Variants in LTBP4 observed in about 807,000 individuals in gnomAD.
LTBP4 encodes the protein latent-transforming growth factor beta-binding protein 4.
In LTBP4, 93 loss-of-function variants were observed where a neutral mutation model predicts 180.2. The ratio of observed to expected loss-of-function variants is 0.52; its 90% CI spans 0.44 to 0.61. The LOEUF (loss-of-function observed/expected upper bound fraction) is 0.61, where lower values mean the gene tolerates loss of function less well. Ranked by LOEUF, LTBP4 falls within the 20% of genes least tolerant of loss-of-function variation. The pLI, the probability that LTBP4 is intolerant of heterozygous loss-of-function variation, is 0.00. For synonymous variants in LTBP4, 947 were observed against 934.5 expected (o/e 1.01, Z -0.24); for missense variants, 2,116 against 2,256.5 (o/e 0.94, Z 1.26).
rs1302295410 is a variant in LTBP4, at chr19:40,611,090, A to G, written c.1811-62A>G. 1 of 1,600,770 alleles carries G rather than the reference A, an allele frequency of 6.2e-7. No individual in the cohort carries two copies. Among genetic ancestry groups the G allele is most frequent in the Non-Finnish European group, 8.5e-7 (1 of 1,170,230 alleles). On this transcript the variant is annotated intron_variant, in intron 12 of 29. Transcript: ENST00000396819. The surrounding 1 kb of genome is among the most constrained non-coding windows in gnomAD (Gnocchi z 4.4). ...CAGAATGTTGGAGGGTGGAAAGCCA[A>G]AGTGACAGAGGTCAGGGAGGCAGAG...
chr19:40,598,594 G>C (rs899039593), upstream of LTBP4: 1 of 153,228 alleles, frequency 6.5e-6, no homozygotes, highest in Non-Finnish European at 1.5e-5. Flanking sequence ...ACCAAGAAAC[G>C]CTGGCTTCTG....
chr19:40,628,129 C>T (rs2081651174), intron 29 of LTBP4, among the ~76,000 whole-genome samples: 1 of 152,262 alleles, frequency 6.6e-6, no homozygotes, highest in Non-Finnish European at 1.5e-5. Context: ...GTGTGACTTG[C>T]AGTGCTACCT....
At chr19:40,608,773 TG>T (rs2081483226) in intron 9 of LTBP4, 170 bp downstream of exon 9, 1 of 663,614 alleles carries the variant, frequency 1.5e-6, no homozygotes, top group African/African-American at 1.8e-5. Context: ...TAACTGGGCG[TG>T]GTGGCAGATG....
At position 40,622,897 on chromosome 19, in the gene LTBP4, A is replaced by G; in HGVS notation, c.3485-53A>G. The G allele has an allele frequency of 6.3e-7, 1 of 1,574,820 alleles. No homozygotes were observed. Among genetic ancestry groups the G allele is most frequent in the Non-Finnish European group, 8.7e-7 (1 of 1,151,314 alleles). The stretch of plus-strand genomic sequence containing the variant: ...TGTGACAAGTGGGCACGAGCAGGTC[A>G]GGGCTGGGGCTGGGGCTCTGGTGTC... On this transcript the variant is annotated intron_variant, in intron 23 of 29. Coordinates refer to ENST00000396819, the MANE Select transcript of LTBP4 (RefSeq NM_001042545.2). This position sits in a 1 kb window ranked among gnomAD's most constrained non-coding sequence, Gnocchi z 5.1.
In LTBP4 at chr19:40,629,627, G is replaced by C; in HGVS notation, c.*77G>C. On this transcript the variant is annotated 3_prime_UTR_variant, in exon 30 of 30. Coordinates refer to ENST00000396819, the MANE Select transcript of LTBP4 (RefSeq NM_001042545.2). The surrounding 1 kb of genome is among the most constrained non-coding windows in gnomAD (Gnocchi z 4.5). ...CGCGCATCCTGCAGCCCGCTTATGC[G>C]TATGTGCACGGGGCCGCCCGCCTGG... 1 of 1,293,594 alleles carries C rather than the reference G, an allele frequency of 7.7e-7. No homozygotes were observed. The highest frequency in any genetic ancestry group is 9.8e-7 in the Non-Finnish European group (1 of 1,016,380). 80.1% of individuals were successfully genotyped at this position (1,293,594 alleles called of 1,614,324 possible).
At position 40,613,835 on chromosome 19, in the gene LTBP4, C is replaced by G. The variant is rs73544983; in HGVS notation, c.2558-81C>G. ...GAAGGCGTGAGAGGCCTAGGAGAGC[C>G]GAGGGGCGGTGGAGGGGTGTGGCCT... On this transcript the variant is annotated intron_variant, in intron 17 of 29. Transcript: ENST00000396819. This position sits in a 1 kb window ranked among gnomAD's most constrained non-coding sequence, Gnocchi z 5.0. The G allele has an allele frequency of 1.4e-3, 2,149 of 1,590,512 alleles. 39 individuals are homozygous for G. The African/African-American group carries it at 0.022, about 16-fold the overall frequency.
chr19:40,611,191 G>C lies in LTBP4; in HGVS notation c.1850G>C (p.Arg617Pro). The C allele has an allele frequency of 6.2e-7, 1 of 1,613,984 alleles. No individual in the cohort carries two copies. The highest frequency in any genetic ancestry group is 2.2e-5 in the East Asian group (1 of 44,886). Residue 617 changes from arginine to proline, a missense_variant, in exon 13 of 30, where the codon CGA (arginine) becomes CCA (proline). Coordinates refer to ENST00000396819, the MANE Select transcript of LTBP4 (RefSeq NM_001042545.2). The surrounding 1 kb of genome is among the most constrained non-coding windows in gnomAD (Gnocchi z 4.4). ...ACCCAGAGCCCAGGCCTGTGTGGCCGAGGGGCCTGCAAGAACCTGCCTGGC... is the reference window on the plus strand; with the variant it reads ...ACCCAGAGCCCAGGCCTGTGTGGCCCAGGGGCCTGCAAGAACCTGCCTGGC... ...ECTQSPGLCGRGACKNLPGSF... is the reference protein window; with the variant it reads ...ECTQSPGLCGPGACKNLPGSF...
In LTBP4 at chr19:40,611,905, G is replaced by T. The variant is rs746887322; in HGVS notation, c.2100G>T (p.Arg700=). The change falls in exon 14 of 30, where the codon CGG becomes CGT. Residue 700 remains arginine, a synonymous_variant. Transcript: ENST00000396819. This position sits in a 1 kb window ranked among gnomAD's most constrained non-coding sequence, Gnocchi z 4.4. ...GCCCCCCACCCTGCACCTACGGCCGGTGTGAGAACACAGAAGGCAGCTTCC... is the reference window on the plus strand; with the variant it reads ...GCCCCCCACCCTGCACCTACGGCCGTTGTGAGAACACAGAAGGCAGCTTCC... ...ARSPPPCTYG[R]CENTEGSFQC... 2.5e-6 allele frequency: 4 copies of T among 1,609,828 alleles called. No individual in the cohort carries two copies. The highest frequency in any genetic ancestry group is 1.7e-6 in the Non-Finnish European group (2 of 1,178,372).
chr19:40,617,642 T>TGA (rs1395937407), intron 21 of LTBP4, among the ~76,000 whole-genome samples: 144 of 77,802 alleles, frequency 1.9e-3, no homozygotes, highest in Middle Eastern at 6.5e-3. Flanking sequence ...AGACCCTGTC[T>TGA]CAAAAAAAAA....
At chr19:40,617,626 AGAGT>A (rs2081559602) in intron 21 of LTBP4, among the ~76,000 whole-genome samples, 1 of 149,092 alleles carries the variant, frequency 6.7e-6, no homozygotes, top group South Asian at 2.1e-4. Flanking sequence ...CCTGGGTGAC[AGAGT>A]GAGACCCTGT....
In LTBP4 at chr19:40,611,535, CTT is replaced by C. The variant is rs2081506441; in HGVS notation, c.2053+142_2053+143del. The C allele has an allele frequency of 7.7e-5, 98 of 1,266,804 alleles. No individual in the cohort carries two copies. The South Asian group carries it at 1.4e-3, about 18-fold the overall frequency. 78.5% of individuals were successfully genotyped at this position (1,266,804 alleles called of 1,614,324 possible). On this transcript the variant is annotated intron_variant, in intron 13 of 29. Transcript: ENST00000396819. This position sits in a 1 kb window ranked among gnomAD's most constrained non-coding sequence, Gnocchi z 4.4. ...AGGGATGGGGACCTCACTCCAGAGT[CTT>C]CTCTCCTTTCAACAAAATAAGGCAG...
At chr19:40,625,076 G>A (rs1024528006) in intron 26 of LTBP4, among the ~76,000 whole-genome samples, 5 of 149,032 alleles carry the variant, frequency 3.4e-5, no homozygotes, top group African/African-American at 5.0e-5. Context: ...TCTACTTGTC[G>A]TTGTTTGTTT....
rs376979408 is a variant in LTBP4 at position 40,608,339 on chromosome 19, A to G, written c.1276A>G (p.Thr426Ala). 6.2e-5 allele frequency: 100 copies of G among 1,613,290 alleles called. No homozygotes were observed. In the African/African-American group the frequency reaches 1.1e-3, roughly 18 times the overall value. The change falls in exon 8 of 30, where the codon ACC (threonine) becomes GCC (alanine). Residue 426 changes from threonine (T) to alanine (A), a missense_variant. Thr to Ala is a moderately conservative substitution (Grantham distance 58, BLOSUM62 0). Coordinates refer to ENST00000396819, the MANE Select transcript of LTBP4 (RefSeq NM_001042545.2). Reference sequence around the variant, plus strand: ...CCGAGTGTCACTCAGCCAGCCTCGTACCCTGCCAGCCACCTCTCGGCCATC... The same window carrying G: ...CCGAGTGTCACTCAGCCAGCCTCGTGCCCTGCCAGCCACCTCTCGGCCATC... ...PPRVSLSQPRTLPATSRPSAG... is the reference protein window; with the variant it reads ...PPRVSLSQPRALPATSRPSAG...
rs1667422997 is a variant in LTBP4 at position 40,616,958 on chromosome 19, C to T, written c.2882C>T (p.Ser961Phe). ...CAGCGTTGTGAGAACACCCCTGGCT[C>T]CTACCGCTGCACACCAGCCTGTGAC... is the stretch of plus-strand genomic sequence containing the variant. ...GAQRCENTPG[S>F]YRCTPACDPG... The change falls in exon 20 of 30, where the codon TCC becomes TTC. Residue 961 changes from serine (S) to phenylalanine (F), a missense_variant. By Grantham distance (155) the Ser-to-Phe change is radical. Transcript: ENST00000396819. 6.2e-7 allele frequency: 1 copy of T among 1,613,880 alleles called. No individual in the cohort carries two copies. Among genetic ancestry groups the T allele is most frequent in the African/African-American group, 1.3e-5 (1 of 74,930 alleles).
At chr19:40,599,952 T>TG (rs2081412109), upstream of LTBP4, 2 of 487,520 alleles carry the variant, frequency 4.1e-6, no homozygotes, top group East Asian at 3.4e-5. Context: ...ATAGGTGTTG[T>TG]GGGGGGAGGG....
rs919523658 is a variant in LTBP4, at chr19:40,605,277, T to C, written c.442+51T>C. 7.1e-6 allele frequency: 11 copies of C among 1,557,978 alleles called. No homozygotes were observed. The African/African-American group carries it at 1.4e-4, about 19-fold the overall frequency. The stretch of plus-strand genomic sequence containing the variant: ...CTCCGACCCCTGTCAAGCATTTCAC[T>C]TTGCCCCTGACCCTCATATTTCCCG... On this transcript the variant is annotated intron_variant, in intron 2 of 29. Coordinates refer to ENST00000396819, the MANE Select transcript of LTBP4 (RefSeq NM_001042545.2). The surrounding 1 kb of genome is among the most constrained non-coding windows in gnomAD (Gnocchi z 5.5).
chr19:40,616,993 C>T lies in LTBP4; in HGVS notation c.2917C>T (p.Gln973Ter). Reference sequence around the variant, plus strand: ...CACACCAGCCTGTGACCCTGGCTATCAGCCCACGCCAGGGGGCGGATGCCA... The same window carrying T: ...CACACCAGCCTGTGACCCTGGCTATTAGCCCACGCCAGGGGGCGGATGCCA... ...RCTPACDPGY[Q>*]PTPGGGCQDV... The change falls in exon 20 of 30, where the codon CAG becomes TAG. Residue 973 changes from glutamine to a stop codon, truncating the protein, a stop_gained. Coordinates refer to ENST00000396819, the MANE Select transcript of LTBP4 (RefSeq NM_001042545.2). LOFTEE classifies it high-confidence loss of function. The T allele has an allele frequency of 6.2e-7, 1 of 1,613,676 alleles. No homozygotes were observed. The highest frequency in any genetic ancestry group is 8.5e-7 in the Non-Finnish European group (1 of 1,179,562).
At chr19:40,595,745 G>A (rs1042671764) in intron 1 of LTBP4, among the ~76,000 whole-genome samples, 9 of 151,792 alleles carry the variant, frequency 5.9e-5, no homozygotes, top group Non-Finnish European at 1.2e-4. Context: ...TATTGAGATA[G>A]GGTCTCACTC....
At chr19:40,615,665 G>C (rs2081543652) in intron 19 of LTBP4, among the ~76,000 whole-genome samples, 1 of 152,322 alleles carries the variant, frequency 6.6e-6, no homozygotes. Context: ...GACTGAGGCA[G>C]GATACTCGCT....
Sources: allele counts gnomAD v4.1 joint callset (sites outside exome capture counted in the v4.1 genomes callset), GRCh38; gene constraint gnomAD v4.1.1; non-coding constraint Gnocchi (gnomAD v3.1); transcripts MANE v1.5; gene names NCBI Gene and HGNC (gene_info 2026-07-23, HGNC 2026-07-21).